ITGA2: variants seen among roughly 807,000 people sequenced by gnomAD.
ITGA2 encodes the protein integrin alpha-2.
In ITGA2, 101 loss-of-function variants were observed where a neutral mutation model predicts 146.3. The observed-to-expected ratio is 0.69, with a 90% CI of 0.59 to 0.81. The LOEUF is 0.81. Ranked by LOEUF, ITGA2 falls within the 40% of genes least tolerant of loss-of-function variation. ITGA2 has a pLI of 0.00. For missense variants in ITGA2, 1,281 were observed against 1,402.7 expected (o/e 0.91, Z 1.39); for synonymous variants, 477 against 487.1 (o/e 0.98, Z 0.27).
intron 1 of ITGA2, among the ~76,000 whole-genome samples, chr5:52,995,255 G>A (rs1433792364): frequency 6.6e-6 from 1 of 152,194 alleles, no homozygotes; most frequent in Non-Finnish European, 1.5e-5. Flanking sequence ...GGTCTTGAAG[G>A]GCCTTGAGCA....
At chr5:53,043,728 A>G (rs1328902186) in intron 3 of ITGA2, among the ~76,000 whole-genome samples, 2 of 152,210 alleles carry the variant, frequency 1.3e-5, no homozygotes, top group African/African-American at 4.8e-5. Context: ...AGCAGTAAAA[A>G]GGGATGATTT....
intron 17 of ITGA2, 148 bp downstream of exon 17, chr5:53,070,408 T>G: frequency 1.4e-6 from 1 of 723,168 alleles, no homozygotes; most frequent in South Asian, 1.7e-5. Flanking sequence ...AAGAAGCATA[T>G]TTACTTTATG....
At chr5:53,009,585 T>C (rs1008381274) in intron 1 of ITGA2, among the ~76,000 whole-genome samples, 19 of 152,006 alleles carry the variant, frequency 1.2e-4, no homozygotes, top group Non-Finnish European at 2.6e-4. Context: ...ATATAGTAAA[T>C]TGTGAGAGGA....
At chr5:52,993,634 T>G (rs1360145941) in intron 1 of ITGA2, among the ~76,000 whole-genome samples, 1 of 152,156 alleles carries the variant, frequency 6.6e-6, no homozygotes, top group Non-Finnish European at 1.5e-5. Flanking sequence ...CCTGGAGATA[T>G]TAAAAGGTAG....
Position 53,067,238 on chromosome 5 carries a change from T to C in ITGA2, c.2064T>C (p.Thr688=). The change falls in exon 16 of 30, where the codon ACT becomes ACC. Residue 688 remains threonine (T), a synonymous_variant. Transcript: ENST00000296585. The stretch of plus-strand genomic sequence containing the variant: ...GCTTCAGTGCAAAGTTCAGACCTAC[T>C]AAGCAAAACAATCAAGTGGGTGCGT... The part of the protein sequence containing the change: ...KLCFSAKFRP[T]KQNNQVAIVY... The C allele has an allele frequency of 6.2e-7, 1 of 1,611,682 alleles. No individual in the cohort carries two copies. The highest frequency in any genetic ancestry group is 8.5e-7 in the Non-Finnish European group (1 of 1,178,670).
chr5:53,090,322 T>C (rs1470776415), intron 29 of ITGA2, among the ~76,000 whole-genome samples, 197 bp from the exon 30 acceptor site: 1 of 152,236 alleles, frequency 6.6e-6, no homozygotes, highest in Non-Finnish European at 1.5e-5. Flanking sequence ...TGTAGCTTTA[T>C]GCAATGCAGC....
At chr5:53,030,839 T>C (rs780320844) in intron 2 of ITGA2, among the ~76,000 whole-genome samples, 5 of 152,232 alleles carry the variant, frequency 3.3e-5, no homozygotes, top group Non-Finnish European at 7.3e-5. Context: ...TCACTAGCTA[T>C]AATAACTTAA....
intron 2 of ITGA2, among the ~76,000 whole-genome samples, chr5:53,028,769 A>G (rs1031274385): frequency 2.0e-5 from 3 of 152,112 alleles, no homozygotes; most frequent in African/African-American, 7.2e-5. Context: ...CTCCTCCCCT[A>G]TATCTTATCC....
intron 1 of ITGA2, among the ~76,000 whole-genome samples, chr5:52,995,540 T>C (rs1440931492): frequency 6.6e-6 from 1 of 152,182 alleles, no homozygotes; most frequent in Non-Finnish European, 1.5e-5. Flanking sequence ...CTTAGGTTTC[T>C]GACATGGACA....
At chr5:53,015,232 T>G (rs1185207460) in intron 1 of ITGA2, among the ~76,000 whole-genome samples, 1 of 152,176 alleles carries the variant, frequency 6.6e-6, no homozygotes, top group African/African-American at 2.4e-5. Flanking sequence ...TGTGTATGTT[T>G]AGCACTATCA....
intron 1 of ITGA2, among the ~76,000 whole-genome samples, chr5:53,020,091 A>C (rs2111783864): frequency 6.6e-6 from 1 of 152,312 alleles, no homozygotes; most frequent in East Asian, 1.9e-4. Context: ...AGAGAGAATT[A>C]ATGTAATTCT....
intron 1 of ITGA2, 71 bp from the exon 2 acceptor site, chr5:53,026,677 C>CT: frequency 7.2e-7 from 1 of 1,398,034 alleles, no homozygotes; most frequent in Non-Finnish European, 1.0e-6. Flanking sequence ...TAAAAATGGC[C>CT]TTTGAGAATT....
intron 1 of ITGA2, among the ~76,000 whole-genome samples, chr5:53,010,944 G>T (rs947823086): frequency 6.6e-6 from 1 of 152,066 alleles, no homozygotes; most frequent in Admixed American, 6.6e-5. Context: ...ATGTAAAGGG[G>T]AGGAGGAGAT....
intron 28 of ITGA2, among the ~76,000 whole-genome samples, chr5:53,088,484 G>C (rs10065574): frequency 0.11 from 16,886 of 151,924 alleles, 1,143 homozygotes; most frequent in African/African-American, 0.18. Context: ...TTGGGAGTTC[G>C]AGACCAGCTT....
intron 1 of ITGA2, among the ~76,000 whole-genome samples, chr5:52,992,652 T>C (rs3212657): frequency 0.11 from 17,346 of 152,220 alleles, 1,394 homozygotes; most frequent in East Asian, 0.37. Context: ...CCTCATCTTA[T>C]GTCTGTATGT....
At chr5:53,073,341 T>C in intron 20 of ITGA2, 82 bp downstream of exon 20, 2 of 1,474,338 alleles carry the variant, frequency 1.4e-6, no homozygotes, top group Non-Finnish European at 9.5e-7. Context: ...CTGAGTTGTT[T>C]AAAGAAGCAC....
chr5:53,039,332 G>A (rs902789297), intron 2 of ITGA2, among the ~76,000 whole-genome samples: 3 of 152,100 alleles, frequency 2.0e-5, no homozygotes, highest in African/African-American at 4.8e-5. Context: ...AGTTTGGTGC[G>A]TAGTAGATAC....
Position 53,090,670 on chromosome 5 carries a change from T to A in ITGA2, c.*71T>A. 2.5e-6 allele frequency: 3 copies of A among 1,190,186 alleles called. No homozygotes were observed. The highest frequency in any genetic ancestry group is 3.8e-6 in the Non-Finnish European group (3 of 797,734). The allele number at this position is 1,190,186 out of a possible 1,614,324, so 73.7% of individuals were successfully genotyped here. ...GGTTTGCTGTTTGCGTGAATGGATT[T>A]CTTTTTAAATCCCATATTTTTTTTA... On this transcript the variant is annotated 3_prime_UTR_variant, in exon 30 of 30. Transcript: ENST00000296585.
intron 28 of ITGA2, chr5:53,089,616 T>G: frequency 3.9e-6 from 1 of 255,800 alleles, no homozygotes; most frequent in Non-Finnish European, 7.6e-6. Context: ...TGATGATGCT[T>G]TCACTTGATT....
Sources: gnomAD v4.1 joint callset for allele counts (sites outside exome capture counted in the v4.1 genomes callset) on GRCh38, gnomAD v4.1.1 for gene constraint, MANE v1.5 for transcripts, NCBI Gene and HGNC (gene_info 2026-07-23, HGNC 2026-07-21) for gene names.